XYLT1: variants seen among roughly 807,000 people sequenced by gnomAD.
XYLT1 encodes xylosyltransferase 1, also known as beta-D-xylosyltransferase 1.
Under a neutral mutation model 91.3 loss-of-function variants are expected in XYLT1, and 36 were observed. That is an observed-to-expected ratio of 0.39 (90% CI 0.30 to 0.52). The LOEUF is 0.52. Ranked by LOEUF, XYLT1 falls within the 20% of genes least tolerant of loss-of-function variation. The probability of loss-of-function intolerance (pLI) is 0.68; values close to 1 mark genes in which losing one functional copy is unlikely to be tolerated. For missense variants in XYLT1, 1,242 were observed against 1,284.5 expected, an observed-to-expected ratio of 0.97 and a Z score of 0.51; for synonymous variants, 588 against 532.0, an observed-to-expected ratio of 1.11 and a Z score of -1.45.
intron 11 of XYLT1, among the ~76,000 whole-genome samples, chr16:17,109,822 A>G (rs185802243): frequency 6.6e-6 from 1 of 152,322 alleles, no homozygotes. Context: ...CTGTTTGGGA[A>G]GTCCAGATCT....
Position 17,102,777 on chromosome 16 carries a change from T to C in XYLT1, c.*5918A>G, listed in dbSNP as rs1222762352. ...CTTTATTTACAGATTTTTTTTAAAA[T>C]CAACACATTACAAAATATTTCTGTA... On this transcript the variant is annotated 3_prime_UTR_variant, in exon 12 of 12. Coordinates refer to ENST00000261381, the MANE Select transcript of XYLT1 (RefSeq NM_022166.4). 6.6e-6 allele frequency: 1 copy of C among 152,468 alleles called. No individual in the cohort carries two copies. Among genetic ancestry groups the C allele is most frequent in the African/African-American group, 2.4e-5 (1 of 41,362 alleles). The allele number at this position is 152,468 out of a possible 1,614,324, so 9.4% of individuals were successfully genotyped here. A position where few individuals can be genotyped will look rare whatever the true frequency, so the allele number is the denominator to read the frequency against.
intron 3 of XYLT1, among the ~76,000 whole-genome samples, chr16:17,222,789 CAAAA>C (rs11358476): frequency 2.8e-5 from 2 of 71,208 alleles, no homozygotes; most frequent in Admixed American, 3.3e-4. Flanking sequence ...AACTCTGTCT[CAAAA>C]AAAAAAAAAA....
chr16:17,309,636 C>G lies in XYLT1; in HGVS notation c.402+48376G>C, dbSNP rs977884427. 2.6e-5 allele frequency among the ~76,000 whole-genome samples: 4 copies of G among 152,278 alleles called. No individual in the cohort carries two copies. In the South Asian group the frequency reaches 8.3e-4, roughly 32 times the overall value. On this transcript the variant is annotated intron_variant, in intron 2 of 11. Coordinates refer to ENST00000261381, the MANE Select transcript of XYLT1 (RefSeq NM_022166.4). The stretch of plus-strand genomic sequence containing the variant: ...ATTTTCCAAGAACCTATTTTTCCAG[C>G]GCTGCAGATTTCACGTGGATATGGC...
At chr16:17,378,713 T>A (rs1160176980) in intron 1 of XYLT1, among the ~76,000 whole-genome samples, 1 of 152,232 alleles carries the variant, frequency 6.6e-6, no homozygotes, top group Non-Finnish European at 1.5e-5. Flanking sequence ...TTACGACCAG[T>A]TCACAGCCAG....
chr16:17,137,852 A>T (rs13335655), intron 8 of XYLT1, among the ~76,000 whole-genome samples: 12 of 152,196 alleles, frequency 7.9e-5, no homozygotes, highest in African/African-American at 2.9e-4. Flanking sequence ...GGGTTTCTCA[A>T]CCAGAGGTGC....
chr16:17,302,295 C>T (rs192145287), intron 2 of XYLT1, among the ~76,000 whole-genome samples: 13 of 152,270 alleles, frequency 8.5e-5, no homozygotes, highest in African/African-American at 3.1e-4. Context: ...AGGATGTGTC[C>T]TTACTCTGCT....
intron 1 of XYLT1, among the ~76,000 whole-genome samples, chr16:17,404,632 T>C (rs1484232236): frequency 6.6e-6 from 1 of 152,142 alleles, no homozygotes; most frequent in African/African-American, 2.4e-5. Flanking sequence ...CAACAACAGA[T>C]GCACAAGTAA....
chr16:17,394,418 G>T (rs1214592818), intron 1 of XYLT1, among the ~76,000 whole-genome samples: 1 of 152,160 alleles, frequency 6.6e-6, no homozygotes, highest in African/African-American at 2.4e-5. Context: ...GTCCAACCCT[G>T]CCAGCTTTTT....
At chr16:17,334,658 G>A (rs1397130797) in intron 2 of XYLT1, among the ~76,000 whole-genome samples, 1 of 152,156 alleles carries the variant, frequency 6.6e-6, no homozygotes, top group African/African-American at 2.4e-5. Flanking sequence ...ACAGTGAGAA[G>A]TACACATTTA....
At chr16:17,415,550 G>C (rs896129596) in intron 1 of XYLT1, among the ~76,000 whole-genome samples, 2 of 152,152 alleles carry the variant, frequency 1.3e-5, no homozygotes, top group African/African-American at 2.4e-5. Context: ...AAATTAGCTG[G>C]GTGTGGTGGC....
intron 1 of XYLT1, among the ~76,000 whole-genome samples, chr16:17,379,763 TCA>T (rs71137987): frequency 0.012 from 1,453 of 125,460 alleles, 16 homozygotes; most frequent in East Asian, 0.024. Flanking sequence ...TCTCTCTCTC[TCA>T]CACACACACA....
At chr16:17,224,091 A>T (rs2033020848) in intron 3 of XYLT1, among the ~76,000 whole-genome samples, 1 of 152,226 alleles carries the variant, frequency 6.6e-6, no homozygotes, top group African/African-American at 2.4e-5. Flanking sequence ...TTTGAGCTTC[A>T]ATTTCCCAAA....
intron 3 of XYLT1, among the ~76,000 whole-genome samples, chr16:17,234,142 G>A (rs529180125): frequency 1.5e-4 from 23 of 152,030 alleles, no homozygotes; most frequent in East Asian, 3.9e-4. Context: ...CTGCTGCCAC[G>A]CCCATTTTGC....
At chr16:17,157,106 C>A (rs2141538880) in intron 6 of XYLT1, among the ~76,000 whole-genome samples, 2 of 152,178 alleles carry the variant, frequency 1.3e-5, no homozygotes, top group Middle Eastern at 3.4e-3. Flanking sequence ...CACCACCACA[C>A]CCGGCTAATT....
At chr16:17,225,177 A>ATACT (rs1555488929) in intron 3 of XYLT1, among the ~76,000 whole-genome samples, 1 of 147,358 alleles carries the variant, frequency 6.8e-6, no homozygotes, top group African/African-American at 2.5e-5. Flanking sequence ...ACACACACAC[A>ATACT]CTCTCTCTCT....
At chr16:17,326,347 T>C (rs2034801706) in intron 2 of XYLT1, among the ~76,000 whole-genome samples, 1 of 152,198 alleles carries the variant, frequency 6.6e-6, no homozygotes, top group Non-Finnish European at 1.5e-5. Context: ...ACCATTCTTT[T>C]ATCCATCCTC....
intron 2 of XYLT1, among the ~76,000 whole-genome samples, chr16:17,333,265 T>C (rs528780273): frequency 6.6e-6 from 1 of 152,346 alleles, no homozygotes; most frequent in South Asian, 2.1e-4. Flanking sequence ...TTTAACCAAA[T>C]ACATCCTAAA....
chr16:17,282,221 A>G (rs2034068343), intron 2 of XYLT1, among the ~76,000 whole-genome samples: 1 of 152,216 alleles, frequency 6.6e-6, no homozygotes, highest in Non-Finnish European at 1.5e-5. Context: ...GGAGAAACTG[A>G]GGCACAGGGA....
At chr16:17,351,630 C>T (rs1260432263) in intron 2 of XYLT1, among the ~76,000 whole-genome samples, 1 of 152,018 alleles carries the variant, frequency 6.6e-6, no homozygotes, top group Non-Finnish European at 1.5e-5. Flanking sequence ...AGAGAACAAA[C>T]AAGGAAGTTG....
Sources: gnomAD v4.1 joint callset for allele counts (sites outside exome capture counted in the v4.1 genomes callset) on GRCh38, gnomAD v4.1.1 for gene constraint, MANE v1.5 for transcripts, NCBI Gene and HGNC (gene_info 2026-07-23, HGNC 2026-07-21) for gene names.